Variants in ZBTB8A observed in about 807,000 individuals in gnomAD.
ZBTB8A encodes zinc finger and BTB domain-containing protein 8A.
ZBTB8A carries 19 observed loss-of-function variants against 37.8 expected under a neutral mutation model. That is an observed-to-expected ratio of 0.50 (90% CI 0.35 to 0.74). ZBTB8A has a LOEUF of 0.74. ZBTB8A is among the 30% of genes least tolerant of loss of function. The pLI is 0.01. For synonymous variants in ZBTB8A, 181 were observed against 185.2 expected, an observed-to-expected ratio of 0.98 and a Z score of 0.19; for missense variants, 394 against 537.8, an observed-to-expected ratio of 0.73 and a Z score of 2.65.
intron 1 of ZBTB8A, among the ~76,000 whole-genome samples, chr1:32,547,152 C>G (rs1388004468): frequency 6.6e-6 from 1 of 151,978 alleles, no homozygotes; most frequent in African/African-American, 2.4e-5. Context: ...GATCCTCCTG[C>G]CTGGGCCTTC....
At chr1:32,568,157 A>T (rs1026217165) in intron 2 of ZBTB8A, among the ~76,000 whole-genome samples, 1 of 152,100 alleles carries the variant, frequency 6.6e-6, no homozygotes, top group Admixed American at 6.6e-5. Context: ...TAGAGAAAAA[A>T]TTAAGATATA....
chr1:32,576,940 T>G (rs916265254), intron 2 of ZBTB8A, among the ~76,000 whole-genome samples: 1 of 150,726 alleles, frequency 6.6e-6, no homozygotes, highest in Non-Finnish European at 1.5e-5. Flanking sequence ...TGGCATGATC[T>G]CAGCTAACTG....
chr1:32,584,610 C>T (rs751991350), intron 2 of ZBTB8A, among the ~76,000 whole-genome samples: 1 of 149,382 alleles, frequency 6.7e-6, no homozygotes, highest in Non-Finnish European at 1.5e-5. Context: ...CTCCTGGGCT[C>T]GAGGGGTCCT....
At position 32,567,825 on chromosome 1, in the gene ZBTB8A, A is replaced by AAAACAAAAAC. The variant is rs1553178099; in HGVS notation, c.-2+14288_-2+14289insCAAAAACAAA. Among the ~76,000 whole-genome samples the AAAACAAAAAC allele has an allele frequency of 1.6e-4, 10 of 63,696 alleles. 1 individual carries two copies. Among genetic ancestry groups the AAAACAAAAAC allele is most frequent in the Non-Finnish European group, 2.1e-4 (8 of 37,598 alleles). The allele number at this position is 63,696 out of a possible 152,430, so 41.8% of individuals were successfully genotyped here. On this transcript the variant is annotated intron_variant, in intron 2 of 4. Transcript: ENST00000373510. ...AAAAAAAAAAAAAAAAAAAAAAAACAAAAACAAAACAAAACAAAAAAAAGA... is the reference window on the plus strand; with the variant it reads ...AAAAAAAAAAAAAAAAAAAAAAAACAAAACAAAAACAAAACAAAACAAAACAAAAAAAAGA...
intron 4 of ZBTB8A, among the ~76,000 whole-genome samples, chr1:32,595,676 GTCTC>G (rs1348126790): frequency 2.0e-5 from 3 of 150,074 alleles, no homozygotes; most frequent in South Asian, 2.1e-4. Flanking sequence ...TTGAGACAGG[GTCTC>G]TCTCTATCGC....
rs1322516783 is a variant in ZBTB8A, at chr1:32,604,750, A to G, written c.*4331A>G. On this transcript the variant is annotated 3_prime_UTR_variant, in exon 5 of 5. Coordinates refer to ENST00000373510, the MANE Select transcript of ZBTB8A (RefSeq NM_001040441.3). ...TCAATTCATTAAAGTTATTTTGCCA[A>G]GTCATGCCAAGATATATTGAAATTT... 3 of 152,174 alleles carry G rather than the reference A, an allele frequency of 2.0e-5. No individual in the cohort carries two copies. Among genetic ancestry groups the G allele is most frequent in the Non-Finnish European group, 4.4e-5 (3 of 68,034 alleles). The allele number at this position is 152,174 out of a possible 1,614,324, so 9.4% of individuals were successfully genotyped here.
In ZBTB8A at chr1:32,593,706, G is replaced by A. The variant is rs757583790; in HGVS notation, c.775G>A (p.Gly259Ser). ...TGCTGAAATGGACTCTACTCCTGTT[G>A]GCTATCAGTACGGTCAAGGATCTGA... is the stretch of plus-strand genomic sequence containing the variant. The part of the protein sequence containing the change: ...IDAEMDSTPV[G>S]YQYGQGSDVT... Residue 259 changes from glycine (G) to serine (S), a missense_variant, in exon 3 of 5, where the codon GGC (glycine) becomes AGC (serine). Physicochemically the swap from Gly to Ser is moderately conservative, Grantham distance 56. This residue lies in a region of ZBTB8A where 171 missense variants were observed against 186.8 expected (regional missense o/e 0.92). Coordinates refer to ENST00000373510, the MANE Select transcript of ZBTB8A (RefSeq NM_001040441.3). The A allele has an allele frequency of 6.2e-6, 10 of 1,614,102 alleles. No homozygotes were observed. In the South Asian group the frequency reaches 1.1e-4, roughly 18 times the overall value.
At chr1:32,592,140 T>G (rs968025382) in intron 2 of ZBTB8A, among the ~76,000 whole-genome samples, 1 of 152,142 alleles carries the variant, frequency 6.6e-6, no homozygotes. Flanking sequence ...CACGCCTGGC[T>G]GATAACAGTC....
intron 2 of ZBTB8A, among the ~76,000 whole-genome samples, chr1:32,574,693 G>A (rs541420704): frequency 2.1e-4 from 32 of 152,300 alleles, no homozygotes; most frequent in African/African-American, 7.5e-4. Context: ...TACTTAAAAA[G>A]AATGTATATT....
intron 2 of ZBTB8A, among the ~76,000 whole-genome samples, chr1:32,583,380 C>CAAAAA (rs372221611): frequency 4.4e-5 from 3 of 68,116 alleles, no homozygotes; most frequent in African/African-American, 5.1e-5. Flanking sequence ...GACCCTGTCT[C>CAAAAA]AAAAAAAAAA....
intron 1 of ZBTB8A, among the ~76,000 whole-genome samples, chr1:32,548,830 C>T (rs1050818568): frequency 2.6e-5 from 4 of 152,298 alleles, no homozygotes; most frequent in Middle Eastern, 3.4e-3. Context: ...TTCTCCATCT[C>T]GCAGCTCTGT....
At chr1:32,549,291 C>T (rs544717115) in intron 1 of ZBTB8A, among the ~76,000 whole-genome samples, 18 of 152,138 alleles carry the variant, frequency 1.2e-4, no homozygotes, top group African/African-American at 3.9e-4. Context: ...GTCAGTAGTT[C>T]GAGACCAGCC....
intron 4 of ZBTB8A, among the ~76,000 whole-genome samples, chr1:32,595,609 G>A (rs1186942513): frequency 1.4e-5 from 2 of 145,562 alleles, no homozygotes; most frequent in South Asian, 2.2e-4. Context: ...TCTCTCTATC[G>A]CCCAAGCTGG....
rs890974729 is a variant in ZBTB8A at position 32,593,204 on chromosome 1, T to C, written c.273T>C (p.Thr91=). Residue 91 remains threonine (T), a synonymous_variant, in exon 3 of 5, where the codon ACT becomes ACC. Coordinates refer to ENST00000373510, the MANE Select transcript of ZBTB8A (RefSeq NM_001040441.3). ...TATATTCTGGCAAACTGTCTCTTAC[T>C]GGTCAGAATGTCATAGAAGTGATGT... ...DFVYSGKLSL[T]GQNVIEVMSA... The C allele has an allele frequency of 1.9e-6, 3 of 1,614,096 alleles. No individual in the cohort carries two copies. The African/African-American group carries it at 4.0e-5, about 22-fold the overall frequency.
intron 2 of ZBTB8A, among the ~76,000 whole-genome samples, chr1:32,561,986 G>A (rs1377147644): frequency 2.0e-5 from 3 of 151,920 alleles, no homozygotes; most frequent in African/African-American, 7.3e-5. Flanking sequence ...GTCTCAGTTT[G>A]CCATCCAGGC....
At chr1:32,556,303 C>T (rs547872327) in intron 2 of ZBTB8A, among the ~76,000 whole-genome samples, 86 of 152,018 alleles carry the variant, frequency 5.7e-4, no homozygotes, top group Non-Finnish European at 1.0e-3. Context: ...CTCCTGACCT[C>T]GTGATCCACT....
At chr1:32,549,579 C>T (rs981994270) in intron 1 of ZBTB8A, among the ~76,000 whole-genome samples, 4 of 151,904 alleles carry the variant, frequency 2.6e-5, no homozygotes, top group African/African-American at 4.8e-5. Flanking sequence ...ATTTAAGGGT[C>T]GACTAACTGC....
chr1:32,547,466 T>C (rs984606054), intron 1 of ZBTB8A, among the ~76,000 whole-genome samples: 18 of 150,416 alleles, frequency 1.2e-4, no homozygotes, highest in African/African-American at 4.2e-4. Context: ...GGATCTTCCC[T>C]CCTGCCTTAG....
chr1:32,541,380 C>T lies in ZBTB8A; in HGVS notation c.-84+1808C>T, dbSNP rs151253055. Among the ~76,000 whole-genome samples, 289 of 152,226 alleles carry T rather than the reference C, an allele frequency of 1.9e-3. 3 individuals are homozygous for T. The highest frequency in any genetic ancestry group is 6.7e-3 in the African/African-American group (278 of 41,530). The stretch of plus-strand genomic sequence containing the variant: ...CTCACCTCAGGGCCTTTGCACTTGC[C>T]GTTCCCTTTGCCTGAAATGCTCTTC... On this transcript the variant is annotated intron_variant, in intron 1 of 4. Coordinates refer to ENST00000373510, the MANE Select transcript of ZBTB8A (RefSeq NM_001040441.3).
Sources: allele counts gnomAD v4.1 joint callset (sites outside exome capture counted in the v4.1 genomes callset), GRCh38; gene constraint gnomAD v4.1.1; regional missense constraint gnomAD v4.1.1; transcripts MANE v1.5; gene names NCBI Gene and HGNC (gene_info 2026-07-23, HGNC 2026-07-21).